The following NXPH2 variants were observed in gnomAD, a reference collection of about 807,000 sequenced individuals.
NXPH2 encodes neurexophilin-2.
NXPH2 carries 5 observed loss-of-function variants against 19.8 expected under a neutral mutation model. The observed-to-expected ratio is 0.25, with a 90% confidence interval of 0.13 to 0.53. The LOEUF (loss-of-function observed/expected upper bound fraction) is 0.53, where lower values mean the gene tolerates loss of function less well. Ranked by LOEUF, NXPH2 falls within the 20% of genes least tolerant of loss-of-function variation. The probability of loss-of-function intolerance (pLI) is 0.96; values close to 1 mark genes in which losing one functional copy is unlikely to be tolerated. For missense variants in NXPH2, 289 were observed against 322.8 expected (o/e 0.90, Z 0.80); for synonymous variants, 154 against 127.4 (o/e 1.21, Z -1.41).
intron 1 of NXPH2, among the ~76,000 whole-genome samples, chr2:138,706,970 CT>C (rs1204759954): frequency 8.0e-5 from 12 of 150,868 alleles, no homozygotes; most frequent in Admixed American, 7.3e-4. Flanking sequence ...GCAGATGGGT[CT>C]CTTAAAAAAT....
chr2:138,717,101 T>C (rs766470742), intron 1 of NXPH2, among the ~76,000 whole-genome samples: 6 of 152,108 alleles, frequency 3.9e-5, no homozygotes, highest in Non-Finnish European at 8.8e-5. Flanking sequence ...CAATGATCCA[T>C]CACACAATGG....
rs570262196 is a variant in NXPH2 at position 138,729,686 on chromosome 2, C to G, written c.51+50505G>C. ...AACATTACTTCTTTCCACAGCAGCA[C>G]ACTTTCCATGGAAGCACACCATTTC... On this transcript the variant is annotated intron_variant, in intron 1 of 1. Coordinates refer to ENST00000272641, the MANE Select transcript of NXPH2 (RefSeq NM_007226.3). Among the ~76,000 whole-genome samples the G allele has an allele frequency of 2.0e-4, 31 of 152,300 alleles. 1 individual carries two copies. The South Asian group carries it at 6.4e-3, about 32-fold the overall frequency.
At chr2:138,765,142 A>G (rs922102962) in intron 1 of NXPH2, among the ~76,000 whole-genome samples, 7 of 152,180 alleles carry the variant, frequency 4.6e-5, no homozygotes, top group African/African-American at 1.7e-4. Flanking sequence ...GTTCAGTAAG[A>G]GAGTGTTATT....
chr2:138,733,117 T>C lies in NXPH2; in HGVS notation c.51+47074A>G, dbSNP rs755763650. ...GAACTTACTGAAGCAATTTGTGTTG[T>C]ATGGTTTTTCTTGTACATCCATCCC... On this transcript the variant is annotated intron_variant, in intron 1 of 1. Coordinates refer to ENST00000272641, the MANE Select transcript of NXPH2 (RefSeq NM_007226.3). Among the ~76,000 whole-genome samples, 5 of 152,184 alleles carry C rather than the reference T, an allele frequency of 3.3e-5. 1 individual carries two copies. In the South Asian group the frequency reaches 1.0e-3, roughly 31 times the overall value.
chr2:138,705,439 G>A (rs1418287027), intron 1 of NXPH2, among the ~76,000 whole-genome samples: 1 of 152,076 alleles, frequency 6.6e-6, no homozygotes, highest in Non-Finnish European at 1.5e-5. Context: ...ACAATAACAT[G>A]TAGTACTATG....
chr2:138,691,427 A>G (rs187683967), intron 1 of NXPH2, among the ~76,000 whole-genome samples: 7 of 152,268 alleles, frequency 4.6e-5, no homozygotes, highest in African/African-American at 1.4e-4. Flanking sequence ...AATGTGAGAG[A>G]CATATATTAA....
intron 1 of NXPH2, among the ~76,000 whole-genome samples, chr2:138,753,382 C>T (rs1045789675): frequency 1.3e-5 from 2 of 152,058 alleles, no homozygotes; most frequent in Non-Finnish European, 2.9e-5. Flanking sequence ...TCTGGCACTA[C>T]AAGACACTCT....
intron 1 of NXPH2, among the ~76,000 whole-genome samples, chr2:138,737,828 A>G (rs1395444710): frequency 1.3e-5 from 2 of 152,170 alleles, no homozygotes; most frequent in Non-Finnish European, 2.9e-5. Flanking sequence ...TTTGGAAGAC[A>G]TTGCCAGTCT....
In NXPH2 at chr2:138,670,904, T is replaced by C. The variant is rs553791157; in HGVS notation, c.*18A>G. On this transcript the variant is annotated 3_prime_UTR_variant, in exon 2 of 2. Transcript: ENST00000272641. ...ATCAAATACATATGTATCCCTCATT[T>C]CCACCACAGCAGGAAGATCAGCCAG... 6.2e-7 allele frequency: 1 copy of C among 1,602,698 alleles called. No homozygotes were observed. The highest frequency in any genetic ancestry group is 1.3e-5 in the African/African-American group (1 of 74,786).
chr2:138,714,726 T>C (rs757525104), intron 1 of NXPH2, among the ~76,000 whole-genome samples: 15 of 152,238 alleles, frequency 9.9e-5, no homozygotes, highest in Non-Finnish European at 2.1e-4. Context: ...ACTATATCCT[T>C]ATACCAAATT....
chr2:138,693,422 G>T (rs1318619910), intron 1 of NXPH2, among the ~76,000 whole-genome samples: 1 of 152,094 alleles, frequency 6.6e-6, no homozygotes, highest in African/African-American at 2.4e-5. Flanking sequence ...CAGAATTAGC[G>T]ATTAACTTCT....
rs1472870413 is a variant in NXPH2, at chr2:138,686,466, C to CT, written c.52-14802dup. ...AAATGCAAATTTAGCTGTGAGATGT[C>CT]TTTTTTTTTGTCTTTCAAAAAAAGC... On this transcript the variant is annotated intron_variant, in intron 1 of 1. Transcript: ENST00000272641. Among the ~76,000 whole-genome samples, 24 of 151,138 alleles carry CT rather than the reference C, an allele frequency of 1.6e-4. 1 individual carries two copies. Among genetic ancestry groups the CT allele is most frequent in the Middle Eastern group, 3.4e-3 (1 of 292 alleles).
intron 1 of NXPH2, among the ~76,000 whole-genome samples, chr2:138,719,752 A>G (rs1011734324): frequency 6.6e-6 from 1 of 152,156 alleles, no homozygotes; most frequent in African/African-American, 2.4e-5. Flanking sequence ...TATTATTAAA[A>G]TTAGTCTTTA....
At chr2:138,683,464 T>C (rs564203689) in intron 1 of NXPH2, among the ~76,000 whole-genome samples, 1 of 152,304 alleles carries the variant, frequency 6.6e-6, no homozygotes, top group South Asian at 2.1e-4. Context: ...CGGCAGAGTT[T>C]CAGTGAGGGA....
intron 1 of NXPH2, among the ~76,000 whole-genome samples, chr2:138,694,974 C>T (rs913113850): frequency 6.6e-6 from 1 of 152,150 alleles, no homozygotes; most frequent in African/African-American, 2.4e-5. Context: ...GTAACTGTTG[C>T]TGTACTGAAT....
At chr2:138,692,933 T>C (rs1005934373) in intron 1 of NXPH2, among the ~76,000 whole-genome samples, 6 of 152,226 alleles carry the variant, frequency 3.9e-5, no homozygotes, top group Non-Finnish European at 7.3e-5. Context: ...TCATATAAAT[T>C]AAACTTTTTC....
At chr2:138,680,747 C>T (rs180954676) in intron 1 of NXPH2, among the ~76,000 whole-genome samples, 24 of 152,136 alleles carry the variant, frequency 1.6e-4, no homozygotes, top group Non-Finnish European at 3.2e-4. Context: ...AAATCCAGGA[C>T]TTACTGGCTG....
chr2:138,721,740 GC>G (rs1463006175), intron 1 of NXPH2, among the ~76,000 whole-genome samples: 1 of 152,144 alleles, frequency 6.6e-6, no homozygotes, highest in Non-Finnish European at 1.5e-5. Context: ...GCTCAGCCTC[GC>G]TTTCTTACCT....
intron 1 of NXPH2, among the ~76,000 whole-genome samples, chr2:138,771,476 T>C (rs1267598912): frequency 1.4e-5 from 2 of 141,670 alleles, no homozygotes; most frequent in Non-Finnish European, 3.1e-5. Context: ...TGAGTAGTAC[T>C]AAAAAAAAAA....
Sources: gnomAD v4.1 joint callset for allele counts (sites outside exome capture counted in the v4.1 genomes callset) on GRCh38, gnomAD v4.1.1 for gene constraint, MANE v1.5 for transcripts, NCBI Gene and HGNC (gene_info 2026-07-23, HGNC 2026-07-21) for gene names.